KCNK12: variants seen among roughly 807,000 people sequenced by gnomAD.
KCNK12 encodes potassium two pore domain channel subfamily K member 12, also known as potassium channel subfamily K member 12.
KCNK12 carries 6 observed loss-of-function variants against 25.3 expected under a neutral mutation model. The observed-to-expected ratio is 0.24, with a 90% CI of 0.13 to 0.47. KCNK12 has a LOEUF of 0.47. Among genes scored for constraint, KCNK12 ranks in the 20% least tolerant of loss-of-function variants. The probability of loss-of-function intolerance (pLI) is 0.99; values close to 1 mark genes in which losing one functional copy is unlikely to be tolerated. For synonymous variants in KCNK12, 331 were observed against 311.1 expected (o/e 1.06, Z -0.67); for missense variants, 444 against 661.7 (o/e 0.67, Z 3.61).
Position 47,515,818 on chromosome 2 carries a change from T to G in KCNK12, c.*5089A>C, listed in dbSNP as rs189844613. On this transcript the variant is annotated 3_prime_UTR_variant, in exon 2 of 2. Transcript: ENST00000327876. ...TAAGCTGCTTCTGAAAAGAAGGGGT[T>G]TGCAAAGCCAACCCAGGCAAAAGCA... Among the ~76,000 whole-genome samples the G allele has an allele frequency of 1.3e-5, 2 of 152,180 alleles. No homozygotes were observed. The highest frequency in any genetic ancestry group is 2.9e-5 in the Non-Finnish European group (2 of 68,038).
At position 47,562,048 on chromosome 2, in the gene KCNK12, G is replaced by C. The variant is rs944798700; in HGVS notation, c.391+7893C>G. 5.0e-6 allele frequency: 2 copies of C among 398,500 alleles called. No homozygotes were observed. The highest frequency in any genetic ancestry group is 6.2e-4 in the Middle Eastern group (1 of 1,610). The allele number at this position is 398,500 out of a possible 1,614,324, so 24.7% of individuals were successfully genotyped here. A position where few individuals can be genotyped will look rare whatever the true frequency, so the allele number is the denominator to read the frequency against. ...CCAGTTAGTGGCAGAGCCAGGTCTA[G>C]ACTCCTAGTGCCTGACTCACCGCTG... On this transcript the variant is annotated intron_variant, in intron 1 of 1. Transcript: ENST00000327876. This position sits in a 1 kb window ranked among gnomAD's most constrained non-coding sequence, Gnocchi z 4.8.
chr2:47,565,466 G>A lies in KCNK12; in HGVS notation c.391+4475C>T, dbSNP rs1283154225. Reference sequence around the variant, plus strand: ...TGAAAGTAGCAAGCTAAATTATGCAGTGCCAAAAGTGACAACTCTTATACC... The same window carrying A: ...TGAAAGTAGCAAGCTAAATTATGCAATGCCAAAAGTGACAACTCTTATACC... On this transcript the variant is annotated intron_variant, in intron 1 of 1. Transcript: ENST00000327876. The surrounding 1 kb of genome is among the most constrained non-coding windows in gnomAD (Gnocchi z 5.0). 12 of 152,208 alleles carry A rather than the reference G, an allele frequency of 7.9e-5. No homozygotes were observed. 9.4% of individuals were successfully genotyped at this position (152,208 alleles called of 1,614,324 possible). A position where few individuals can be genotyped will look rare whatever the true frequency, so the allele number is the denominator to read the frequency against.
At position 47,528,836 on chromosome 2, in the gene KCNK12, A is replaced by G. The variant is rs1668854133; in HGVS notation, c.392-7028T>C. On this transcript the variant is annotated intron_variant, in intron 1 of 1. Coordinates refer to ENST00000327876, the MANE Select transcript of KCNK12 (RefSeq NM_022055.2). This position sits in a 1 kb window ranked among gnomAD's most constrained non-coding sequence, Gnocchi z 4.5. ...GTTCAGCTCAGAGAGCATGGAAGTG[A>G]GATGGAGAGGCCAGCACTGATCTGT... is the stretch of plus-strand genomic sequence containing the variant. 6.6e-6 allele frequency among the ~76,000 whole-genome samples: 1 copy of G among 152,080 alleles called. No homozygotes were observed.
chr2:47,546,719 C>T (rs1023903461), intron 1 of KCNK12, among the ~76,000 whole-genome samples: 18 of 152,176 alleles, frequency 1.2e-4, no homozygotes, highest in Non-Finnish European at 1.2e-4. Flanking sequence ...AATTTACCTA[C>T]TCTCCCTCTT....
rs986308981 is a variant in KCNK12, at chr2:47,556,253, T to C, written c.391+13688A>G. On this transcript the variant is annotated intron_variant, in intron 1 of 1. Transcript: ENST00000327876. The surrounding 1 kb of genome is among the most constrained non-coding windows in gnomAD (Gnocchi z 4.8). ...ACAGGAACTAAGCCCTGGAGGAAGT[T>C]AGAGGAAGTGAGACCCAGTGAAGCT... Among the ~76,000 whole-genome samples the C allele has an allele frequency of 6.6e-6, 1 of 152,104 alleles. No individual in the cohort carries two copies. Among genetic ancestry groups the C allele is most frequent in the African/African-American group, 2.4e-5 (1 of 41,414 alleles).
At chr2:47,553,872 A>G (rs1669493636) in intron 1 of KCNK12, among the ~76,000 whole-genome samples, 1 of 152,188 alleles carries the variant, frequency 6.6e-6, no homozygotes, top group African/African-American at 2.4e-5. Flanking sequence ...CTACCCTGCA[A>G]CCTGAGAGGT....
chr2:47,561,015 T>C (rs567843410), intron 1 of KCNK12, among the ~76,000 whole-genome samples: 1 of 152,300 alleles, frequency 6.6e-6, no homozygotes, highest in East Asian at 1.9e-4. Context: ...CATGGGGCTA[T>C]TTGCTGCAGT....
rs1026283796 is a variant in KCNK12 at position 47,565,039 on chromosome 2, T to C, written c.391+4902A>G. On this transcript the variant is annotated intron_variant, in intron 1 of 1. Transcript: ENST00000327876. The surrounding 1 kb of genome is among the most constrained non-coding windows in gnomAD (Gnocchi z 5.0). ...AAAAGTAGCCAGGTGTGGTGATGTG[T>C]GCCTGTGATCCCAGCTTCTTGGGAG... The C allele has an allele frequency of 6.6e-6, 1 of 151,274 alleles. No individual in the cohort carries two copies. Among genetic ancestry groups the C allele is most frequent in the Admixed American group, 6.6e-5 (1 of 15,188 alleles). The allele number at this position is 151,274 out of a possible 1,614,324, so 9.4% of individuals were successfully genotyped here.
intron 1 of KCNK12, among the ~76,000 whole-genome samples, chr2:47,567,742 G>A (rs952393419): frequency 1.3e-5 from 2 of 152,188 alleles, no homozygotes; most frequent in Non-Finnish European, 2.9e-5. Flanking sequence ...TGGGTCACTC[G>A]TAATATAACC....
At chr2:47,564,210 G>C in intron 1 of KCNK12, 1 of 231,146 alleles carries the variant, frequency 4.3e-6, no homozygotes, top group East Asian at 6.1e-5. Context: ...GTGGATAACT[G>C]TCCAGTCGCT....
chr2:47,559,408 T>G (rs1200725742), intron 1 of KCNK12, among the ~76,000 whole-genome samples: 1 of 152,220 alleles, frequency 6.6e-6, no homozygotes, highest in Non-Finnish European at 1.5e-5. Context: ...TTTTATTTTT[T>G]GTTGTTAATT....
rs1171769528 is a variant in KCNK12 at position 47,538,360 on chromosome 2, C to T, written c.392-16552G>A. On this transcript the variant is annotated intron_variant, in intron 1 of 1. Transcript: ENST00000327876. This position sits in a 1 kb window ranked among gnomAD's most constrained non-coding sequence, Gnocchi z 4.5. The stretch of plus-strand genomic sequence containing the variant: ...GTCATGGTTTTAAGTGGGGTGGGTC[C>T]AGGGAGGCCTCGTTAAGGAACGGAT... Among the ~76,000 whole-genome samples, 1 of 152,056 alleles carries T rather than the reference C, an allele frequency of 6.6e-6. No individual in the cohort carries two copies. The highest frequency in any genetic ancestry group is 6.6e-5 in the Admixed American group (1 of 15,258).
chr2:47,531,021 C>G (rs1668912783), intron 1 of KCNK12, among the ~76,000 whole-genome samples: 2 of 152,326 alleles, frequency 1.3e-5, no homozygotes, highest in Non-Finnish European at 2.9e-5. Flanking sequence ...CAGCAATTCT[C>G]AATTCTGGCT....
chr2:47,563,309 G>C (rs1669721267), intron 1 of KCNK12: 2 of 233,532 alleles, frequency 8.6e-6, no homozygotes, highest in African/African-American at 2.2e-5. Context: ...TGCCCTCTCA[G>C]AACTGTACTG....
At chr2:47,549,243 C>T (rs888304059) in intron 1 of KCNK12, among the ~76,000 whole-genome samples, 2 of 152,176 alleles carry the variant, frequency 1.3e-5, no homozygotes, top group African/African-American at 4.8e-5. Flanking sequence ...TAGTGTGGCT[C>T]ATCTAGTCCC....
chr2:47,534,663 G>C (rs1251066340), intron 1 of KCNK12, among the ~76,000 whole-genome samples: 2 of 152,052 alleles, frequency 1.3e-5, no homozygotes, highest in East Asian at 3.9e-4. Flanking sequence ...ATGAGATGAA[G>C]AAAGCTCTGC....
At chr2:47,568,044 G>T (rs1023394187) in intron 1 of KCNK12, among the ~76,000 whole-genome samples, 4 of 152,288 alleles carry the variant, frequency 2.6e-5, no homozygotes, top group African/African-American at 7.2e-5. Flanking sequence ...CATTGGAATG[G>T]GGCCTTATTT....
chr2:47,516,930 A>G lies in KCNK12; in HGVS notation c.*3977T>C, dbSNP rs1668539083. 1 of 152,056 alleles carries G rather than the reference A, an allele frequency of 6.6e-6. No homozygotes were observed. Among genetic ancestry groups the G allele is most frequent in the Admixed American group, 6.6e-5 (1 of 15,266 alleles). The allele number at this position is 152,056 out of a possible 1,614,324, so 9.4% of individuals were successfully genotyped here. On this transcript the variant is annotated 3_prime_UTR_variant, in exon 2 of 2. Transcript: ENST00000327876. The stretch of plus-strand genomic sequence containing the variant: ...GCCCCAAGTCCATGCTGATGAGCCC[A>G]CCCTGGGGGTCAGGAATGGCCTCAG...
chr2:47,543,196 C>T (rs1314975957), intron 1 of KCNK12: 1 of 152,094 alleles, frequency 6.6e-6, no homozygotes, highest in East Asian at 1.9e-4. Context: ...CAGACTCTGA[C>T]ACAACCACCG....
Sources: gnomAD v4.1 joint callset for allele counts (sites outside exome capture counted in the v4.1 genomes callset) on GRCh38, gnomAD v4.1.1 for gene constraint, Gnocchi (gnomAD v3.1) non-coding constraint, MANE v1.5 for transcripts, NCBI Gene and HGNC (gene_info 2026-07-23, HGNC 2026-07-21) for gene names.